Variants in AFTPH observed in about 807,000 individuals in gnomAD.
AFTPH encodes the protein aftiphilin.
A neutral mutation model predicts 72.5 loss-of-function variants in AFTPH; 7 were observed. The ratio of observed to expected loss-of-function variants is 0.10; its 90% CI spans 0.05 to 0.18. The LOEUF (loss-of-function observed/expected upper bound fraction) is 0.18. Ranked by LOEUF, AFTPH falls within the 10% of genes least tolerant of loss-of-function variation. The probability of loss-of-function intolerance (pLI) is 1.00; values close to 1 mark genes in which losing one functional copy is unlikely to be tolerated. For synonymous variants in AFTPH, 337 were observed against 370.1 expected, an observed-to-expected ratio of 0.91 and a Z score of 1.03; for missense variants, 979 against 1,060.5, an observed-to-expected ratio of 0.92 and a Z score of 1.07.
At chr2:64,567,798 G>C in intron 3 of AFTPH, 85 bp downstream of exon 3, 2 of 1,471,656 alleles carry the variant, frequency 1.4e-6, no homozygotes, top group Non-Finnish European at 1.8e-6. Context: ...AAACATTAAG[G>C]TTCAGGCCAG....
intron 7 of AFTPH, among the ~76,000 whole-genome samples, chr2:64,583,249 G>A (rs1673315748): frequency 6.6e-6 from 1 of 151,050 alleles, no homozygotes; most frequent in South Asian, 2.1e-4. Flanking sequence ...AGACTTAGGA[G>A]GTTGGCATAG....
intron 7 of AFTPH, among the ~76,000 whole-genome samples, chr2:64,581,538 G>A (rs1050518446): frequency 6.6e-6 from 1 of 151,988 alleles, no homozygotes; most frequent in Non-Finnish European, 1.5e-5. Context: ...TAAAGGCAGG[G>A]CTGTTGGTTT....
chr2:64,589,958 G>T (rs865787848), intron 8 of AFTPH, among the ~76,000 whole-genome samples: 6 of 85,302 alleles, frequency 7.0e-5, no homozygotes, highest in African/African-American at 2.3e-4. Flanking sequence ...GGGGGGGGGG[G>T]GGTTTCCACC....
In AFTPH at chr2:64,550,009, C is replaced by G. The variant is rs147770323; in HGVS notation, c.-32-1434C>G. 3.4e-3 allele frequency among the ~76,000 whole-genome samples: 523 copies of G among 152,254 alleles called. 5 individuals are homozygous for G. The highest frequency in any genetic ancestry group is 0.012 in the African/African-American group (501 of 41,518). ...TCCTAAAATTAACTTGGGAAAACAG[C>G]TTGGCAGTTTCTTATAAAGTTGAGC... On this transcript the variant is annotated intron_variant, in intron 1 of 8. Coordinates refer to ENST00000238856, the Ensembl canonical transcript of AFTPH.
chr2:64,539,854 G>A (rs1670120208), intron 1 of AFTPH, among the ~76,000 whole-genome samples: 1 of 152,176 alleles, frequency 6.6e-6, no homozygotes, highest in Non-Finnish European at 1.5e-5. Flanking sequence ...GAAGTCGAGA[G>A]AGTGAATAGG....
At chr2:64,524,598 C>T (rs758990425) in exon 1 of AFTPH, 8 of 398,740 alleles carry the variant, frequency 2.0e-5, no homozygotes, top group Admixed American at 4.4e-5. Context: ...ATCGCAGCCG[C>T]CCCGAAGGAG....
At chr2:64,561,567 A>G (rs2103997077) in intron 2 of AFTPH, among the ~76,000 whole-genome samples, 1 of 152,318 alleles carries the variant, frequency 6.6e-6, no homozygotes, top group Middle Eastern at 3.4e-3. Flanking sequence ...CTGTGGTCCT[A>G]GCTACCCAGG....
rs1673624636 is a variant in AFTPH at position 64,588,248 on chromosome 2, C to T, written c.2579+2703C>T. Reference sequence around the variant, plus strand: ...TCTCGGTTTTGCTTAGCATTCTGTTCTCAAGTTCATTCATGTTGTAGTATG... The same window carrying T: ...TCTCGGTTTTGCTTAGCATTCTGTTTTCAAGTTCATTCATGTTGTAGTATG... On this transcript the variant is annotated intron_variant, in intron 8 of 8. Coordinates refer to ENST00000238856, the Ensembl canonical transcript of AFTPH. Among the ~76,000 whole-genome samples the T allele has an allele frequency of 3.9e-5, 6 of 152,176 alleles. No individual in the cohort carries two copies. The South Asian group carries it at 1.2e-3, about 32-fold the overall frequency.
At chr2:64,577,212 A>G (rs1248170513) in intron 6 of AFTPH, among the ~76,000 whole-genome samples, 5 of 152,146 alleles carry the variant, frequency 3.3e-5, no homozygotes, top group Non-Finnish European at 5.9e-5. Flanking sequence ...TTATCTCTGC[A>G]GTAATAATTC....
chr2:64,574,197 C>T (rs1164897577), intron 6 of AFTPH, among the ~76,000 whole-genome samples: 1 of 152,074 alleles, frequency 6.6e-6, no homozygotes, highest in African/African-American at 2.4e-5. Context: ...ATATTCTTGC[C>T]ATGTTTTGTC....
At chr2:64,576,188 TATATATATAAC>T (rs1391921691) in intron 6 of AFTPH, among the ~76,000 whole-genome samples, 1 of 147,780 alleles carries the variant, frequency 6.8e-6, no homozygotes, top group Non-Finnish European at 1.5e-5. Context: ...CATATACATA[TATATATATAAC>T]ATATATATAT....
chr2:64,561,903 G>A (rs1489737005), intron 2 of AFTPH, among the ~76,000 whole-genome samples: 4 of 152,104 alleles, frequency 2.6e-5, no homozygotes, highest in South Asian at 2.1e-4. Context: ...AGTTATCACC[G>A]CACCATTTAA....
chr2:64,577,602 A>AAGGTGTCACTG (rs1558628405), intron 6 of AFTPH, among the ~76,000 whole-genome samples: 1 of 152,208 alleles, frequency 6.6e-6, no homozygotes, highest in Non-Finnish European at 1.5e-5. Context: ...AATATGCCCA[A>AAGGTGTCACTG]AGGTGTCACT....
chr2:64,538,241 A>C (rs1421990332), intron 1 of AFTPH, among the ~76,000 whole-genome samples: 2 of 152,140 alleles, frequency 1.3e-5, no homozygotes, highest in East Asian at 3.8e-4. Context: ...AACCAGATGT[A>C]TTGGGTACCC....
At chr2:64,573,617 G>T in intron 6 of AFTPH, among the ~76,000 whole-genome samples, 1 of 152,136 alleles carries the variant, frequency 6.6e-6, no homozygotes, top group Non-Finnish European at 1.5e-5. Context: ...ACTCGAAAAT[G>T]ATGTGACCTT....
Position 64,542,229 on chromosome 2 carries a change from AC to A in AFTPH, c.-32-9213del, listed in dbSNP as rs1670297014. Among the ~76,000 whole-genome samples the A allele has an allele frequency of 3.3e-5, 5 of 152,118 alleles. No individual in the cohort carries two copies. The South Asian group carries it at 1.0e-3, about 31-fold the overall frequency. ...TGGAAAGATTGCTAGAGGGCCTCTT[AC>A]TTAGAGACACTCCACCCCCCTCAAA... On this transcript the variant is annotated intron_variant, in intron 1 of 8. Coordinates refer to ENST00000238856, the Ensembl canonical transcript of AFTPH.
At chr2:64,540,205 A>T (rs919356735) in intron 1 of AFTPH, among the ~76,000 whole-genome samples, 1 of 152,192 alleles carries the variant, frequency 6.6e-6, no homozygotes, top group Non-Finnish European at 1.5e-5. Context: ...TGACTAATTT[A>T]TTCTGCATCT....
Position 64,551,898 on chromosome 2 carries a change from CAG to C in AFTPH, c.426_427del (p.Asn143CysfsTer5). 6.2e-7 allele frequency: 1 copy of C among 1,613,638 alleles called. No homozygotes were observed. The highest frequency in any genetic ancestry group is 8.5e-7 in the Non-Finnish European group (1 of 1,179,926). On this transcript the variant is annotated frameshift_variant, in exon 2 of 9. Coordinates refer to ENST00000238856, the Ensembl canonical transcript of AFTPH. LOFTEE classifies it high-confidence loss of function. ...TTTAAATAAAGTAGTGGAGCAGAGA[CAG>C]AATGTTGGAACACTTGAAAGTTTCT...
chr2:64,569,554 T>C, intron 4 of AFTPH, 69 bp from the exon 5 acceptor site: 1 of 1,522,662 alleles, frequency 6.6e-7, no homozygotes, highest in South Asian at 1.1e-5. Flanking sequence ...CAAGCATATT[T>C]GGAAACTATT....
Sources: allele counts gnomAD v4.1 joint callset (sites outside exome capture counted in the v4.1 genomes callset), GRCh38; gene constraint gnomAD v4.1.1; transcripts MANE v1.5; gene names NCBI Gene and HGNC (gene_info 2026-07-23, HGNC 2026-07-21).